ZNF99: variants seen among roughly 807,000 people sequenced by gnomAD.
ZNF99 encodes zinc finger protein 99, also known as zinc finger protein ENSP00000375192.
In ZNF99, 8 loss-of-function variants were observed where a neutral mutation model predicts 12.8. The observed-to-expected ratio is 0.62, with a 90% CI of 0.37 to 1.13. The LOEUF (loss-of-function observed/expected upper bound fraction) is 1.13, where lower values mean the gene tolerates loss of function less well. ZNF99 is among the 50% of genes most tolerant of loss of function. The probability of loss-of-function intolerance (pLI) is 0.02; values close to 1 mark genes in which losing one functional copy is unlikely to be tolerated. For missense variants in ZNF99, 1,007 were observed against 1,006.2 expected, an observed-to-expected ratio of 1.00 and a Z score of -0.01; for synonymous variants, 318 against 319.0, an observed-to-expected ratio of 1.00 and a Z score of 0.03.
At chr19:22,771,876 C>A in intron 1 of ZNF99, among the ~76,000 whole-genome samples, 1 of 139,452 alleles carries the variant, frequency 7.2e-6, no homozygotes. Context: ...TGCCACCACG[C>A]CCGGCTAATT....
At position 22,753,810 on chromosome 19, in the gene ZNF99, T is replaced by A. The variant is rs1160976650; in HGVS notation, c.*3504A>T. The A allele has an allele frequency of 4.4e-6, 1 of 229,092 alleles. No individual in the cohort carries two copies. Among genetic ancestry groups the A allele is most frequent in the African/African-American group, 2.3e-5 (1 of 43,470 alleles). 14.2% of individuals were successfully genotyped at this position (229,092 alleles called of 1,614,324 possible). On this transcript the variant is annotated 3_prime_UTR_variant, in exon 4 of 4. Transcript: ENST00000596209. The stretch of plus-strand genomic sequence containing the variant: ...TACATTTTTTTTCAAGTATAAATGC[T>A]TTCCTATGCGATAAGGTGTGAGTAT...
rs62119144 is a variant in ZNF99 at position 22,754,532 on chromosome 19, G to T, written c.*2782C>A. ...ATGAATTCTCTTATATTTAGTATGAGTTGAAGACCAGTTAAAGACTTTGTT... is the reference window on the plus strand; with the variant it reads ...ATGAATTCTCTTATATTTAGTATGATTTGAAGACCAGTTAAAGACTTTGTT... On this transcript the variant is annotated 3_prime_UTR_variant, in exon 4 of 4. Coordinates refer to ENST00000596209, the MANE Select transcript of ZNF99 (RefSeq NM_001080409.3). 0.088 allele frequency: 37,851 copies of T among 427,790 alleles called. 1,774 individuals carry two copies. The highest frequency in any genetic ancestry group is 0.12 in the Middle Eastern group (330 of 2,654). The allele number at this position is 427,790 out of a possible 1,614,324, so 26.5% of individuals were successfully genotyped here.
In ZNF99 at chr19:22,784,146, A is replaced by G. The variant is rs545084348; in HGVS notation, c.-130T>C. 589 of 1,006,260 alleles carry G rather than the reference A, an allele frequency of 5.9e-4. No individual in the cohort carries two copies. Among genetic ancestry groups the G allele is most frequent in the Non-Finnish European group, 8.2e-4 (561 of 686,198 alleles). 62.3% of individuals were successfully genotyped at this position (1,006,260 alleles called of 1,614,324 possible). A position where few individuals can be genotyped will look rare whatever the true frequency, so the allele number is the denominator to read the frequency against. Reference sequence around the variant, plus strand: ...CGGAGCTCCAGCTGGAACCAGAAACAACGGCCCCGCCACATCCCACAAGCC... The same window carrying G: ...CGGAGCTCCAGCTGGAACCAGAAACGACGGCCCCGCCACATCCCACAAGCC... On this transcript the variant is annotated 5_prime_UTR_variant, in exon 1 of 4. Coordinates refer to ENST00000596209, the MANE Select transcript of ZNF99 (RefSeq NM_001080409.3).
Position 22,759,567 on chromosome 19 carries a change from T to C in ZNF99, c.342A>G (p.Arg114=). 6.2e-7 allele frequency: 1 copy of C among 1,611,800 alleles called. No homozygotes were observed. The highest frequency in any genetic ancestry group is 8.5e-7 in the Non-Finnish European group (1 of 1,179,298). The change falls in exon 4 of 4, where the codon AGA becomes AGG. Residue 114 remains arginine (R), a synonymous_variant. Transcript: ENST00000596209. The part of the protein sequence containing the change: ...ARCGHKNLRL[R]KDCESVNEGK... The stretch of plus-strand genomic sequence containing the variant: ...CCTCATTGACACTTTCACAATCTTT[T>C]CTTAATCGTAAATTCTTATGTCCAC...
chr19:22,755,565 GTT>G lies in ZNF99; in HGVS notation c.*1747_*1748del. ...ATCTCTCCAGTATGAATTATCTTAT[GTT>G]CAGTAAGTTTTGAGAAGCAGTTAAA... On this transcript the variant is annotated 3_prime_UTR_variant, in exon 4 of 4. Transcript: ENST00000596209. 1 of 292,062 alleles carries G rather than the reference GTT, an allele frequency of 3.4e-6. No homozygotes were observed. Among genetic ancestry groups the G allele is most frequent in the Non-Finnish European group, 7.0e-6 (1 of 143,666 alleles). The allele number at this position is 292,062 out of a possible 1,614,324, so 18.1% of individuals were successfully genotyped here.
chr19:22,758,005 G>C lies in ZNF99; in HGVS notation c.1904C>G (p.Thr635Ser). Residue 635 changes from threonine (T) to serine (S), a missense_variant, in exon 4 of 4, where the codon ACC becomes AGC. Coordinates refer to ENST00000596209, the MANE Select transcript of ZNF99 (RefSeq NM_001080409.3). Reference protein sequence around the residue: ...ECGKAFSQSSTLRKHEIIHTG... With the variant: ...ECGKAFSQSSSLRKHEIIHTG... ...ATGAATTATCTCATGTTTTCTAAGG[G>C]TTGAGGACTGGCTAAAAGCTTTGCC... The C allele has an allele frequency of 6.2e-7, 1 of 1,611,062 alleles. No individual in the cohort carries two copies. The highest frequency in any genetic ancestry group is 1.1e-5 in the South Asian group (1 of 90,868).
rs747868290 is a variant in ZNF99 at position 22,756,499 on chromosome 19, G to A, written c.*815C>T. On this transcript the variant is annotated 3_prime_UTR_variant, in exon 4 of 4. Transcript: ENST00000596209. The stretch of plus-strand genomic sequence containing the variant: ...AATTATCCTATGTTTAGTAAGGCGT[G>A]AGAAATGGCTAAAAGCTTTGCCACG... 10 of 1,596,084 alleles carry A rather than the reference G, an allele frequency of 6.3e-6. No individual in the cohort carries two copies. Among genetic ancestry groups the A allele is most frequent in the South Asian group, 1.1e-5 (1 of 90,826 alleles).
At chr19:22,782,815 C>G (rs12983303) in intron 1 of ZNF99, among the ~76,000 whole-genome samples, 1 of 151,362 alleles carries the variant, frequency 6.6e-6, no homozygotes, top group Non-Finnish European at 1.5e-5. Context: ...GGATTACAGG[C>G]ATCTGCCACA....
At position 22,758,325 on chromosome 19, in the gene ZNF99, C is replaced by T. The variant is rs769254370; in HGVS notation, c.1584G>A (p.Lys528=). 2 of 1,613,234 alleles carry T rather than the reference C, an allele frequency of 1.2e-6. No individual in the cohort carries two copies. The highest frequency in any genetic ancestry group is 1.3e-5 in the African/African-American group (1 of 74,850). ...FKHFSALRKH[K]IIHTGKKPYK... ...AGGGTTTCTTTCCAGTATGAATTAT[C>T]TTATGTTTTCTAAGGGCTGAGAAAT... Residue 528 remains lysine, a synonymous_variant, in exon 4 of 4, where the codon AAG becomes AAA. Transcript: ENST00000596209.
At position 22,756,910 on chromosome 19, in the gene ZNF99, T is replaced by C. The variant is rs1973068913; in HGVS notation, c.*404A>G. ...ACAGTATGAATTACCTTATGTTCCATAAGTTTTGAGACCACTTAAAAGCTT... is the reference window on the plus strand; with the variant it reads ...ACAGTATGAATTACCTTATGTTCCACAAGTTTTGAGACCACTTAAAAGCTT... On this transcript the variant is annotated 3_prime_UTR_variant, in exon 4 of 4. Transcript: ENST00000596209. 6.2e-7 allele frequency: 1 copy of C among 1,610,570 alleles called. No individual in the cohort carries two copies. The highest frequency in any genetic ancestry group is 8.5e-7 in the Non-Finnish European group (1 of 1,178,330).
At position 22,775,199 on chromosome 19, in the gene ZNF99, G is replaced by A. The variant is rs148956323; in HGVS notation, c.4-5875C>T. On this transcript the variant is annotated intron_variant, in intron 1 of 3. Transcript: ENST00000596209. ...ACAGTAACCAAAGCCACATAATACT[G>A]GTACAAGAAACAGACTTATAGAACA... Among the ~76,000 whole-genome samples the A allele has an allele frequency of 4.4e-3, 663 of 152,150 alleles. 8 individuals carry two copies. Among genetic ancestry groups the A allele is most frequent in the African/African-American group, 0.015 (633 of 41,522 alleles).
chr19:22,759,440 A>T lies in ZNF99; in HGVS notation c.469T>A (p.Tyr157Asn). The change falls in exon 4 of 4, where the codon TAT (tyrosine) becomes AAT (asparagine). Residue 157 changes from tyrosine (Y) to asparagine (N), a missense_variant. By Grantham distance (143) the Tyr-to-Asn change is moderately radical. Coordinates refer to ENST00000596209, the MANE Select transcript of ZNF99 (RefSeq NM_001080409.3). ...CNKYVKVFHK[Y>N]SNSNRYKIRH... ...ATCTTATATCTATTTGAATTTGAAT[A>T]TTTATGAAAGACTTTCACATATTTG... The T allele has an allele frequency of 6.3e-7, 1 of 1,595,256 alleles. No homozygotes were observed. Among genetic ancestry groups the T allele is most frequent in the Non-Finnish European group, 8.5e-7 (1 of 1,171,070 alleles).
rs1294670498 is a variant in ZNF99 at position 22,753,974 on chromosome 19, GA to G, written c.*3339del. The G allele has an allele frequency of 2.2e-6, 1 of 453,218 alleles. No individual in the cohort carries two copies. Among genetic ancestry groups the G allele is most frequent in the Non-Finnish European group, 4.4e-6 (1 of 225,266 alleles). 28.1% of individuals were successfully genotyped at this position (453,218 alleles called of 1,614,324 possible). A position where few individuals can be genotyped will look rare whatever the true frequency, so the allele number is the denominator to read the frequency against. ...GACACTATGATTTCTTTTATGTTTA[GA>G]AAAGTTTAAGGTGTTCTCAAGAGCA... On this transcript the variant is annotated 3_prime_UTR_variant, in exon 4 of 4. Transcript: ENST00000596209.
At chr19:22,774,537 G>C (rs367884002) in intron 1 of ZNF99, 4 of 152,168 alleles carry the variant, frequency 2.6e-5, no homozygotes, top group African/African-American at 9.7e-5. Flanking sequence ...GTGTTTATTT[G>C]TCCTGTAATA....
rs1973099482 is a variant in ZNF99 at position 22,758,261 on chromosome 19, A to G, written c.1648T>C (p.Ser550Pro). The G allele has an allele frequency of 1.2e-6, 2 of 1,600,636 alleles. No individual in the cohort carries two copies. The highest frequency in any genetic ancestry group is 2.2e-5 in the South Asian group (2 of 90,230). The part of the protein sequence containing the change: ...EECGKAFNNS[S>P]TLMKHKIIHT... ...ATTATCTTATGTTTCATAAGGGTTG[A>G]GGAATTGTTAAAAGCTTTGCCACAT... The change falls in exon 4 of 4, where the codon TCA becomes CCA. Residue 550 changes from serine to proline, a missense_variant. By Grantham distance (74) the Ser-to-Pro change is moderately conservative. Coordinates refer to ENST00000596209, the MANE Select transcript of ZNF99 (RefSeq NM_001080409.3).
Position 22,756,666 on chromosome 19 carries a change from C to T in ZNF99, c.*648G>A, listed in dbSNP as rs55711951. ...GAATTATCTTATGTTTCATAAGGGT[C>T]GAGAAATTGTTAAAACCTTTGCCAC... On this transcript the variant is annotated 3_prime_UTR_variant, in exon 4 of 4. Transcript: ENST00000596209. The T allele has an allele frequency of 2.6e-4, 364 of 1,403,598 alleles. 2 individuals carry two copies. The highest frequency in any genetic ancestry group is 1.2e-3 in the African/African-American group (57 of 48,478). The allele number at this position is 1,403,598 out of a possible 1,614,324, so 86.9% of individuals were successfully genotyped here. A position where few individuals can be genotyped will look rare whatever the true frequency, so the allele number is the denominator to read the frequency against.
intron 1 of ZNF99, among the ~76,000 whole-genome samples, chr19:22,783,618 AT>A (rs1192639638): frequency 6.6e-6 from 1 of 152,122 alleles, no homozygotes; most frequent in Non-Finnish European, 1.5e-5. Flanking sequence ...ACTGCCATCA[AT>A]TTTTAATAGG....
Position 22,758,245 on chromosome 19 carries a change from TG to T in ZNF99, c.1663del (p.His555IlefsTer3), listed in dbSNP as rs771617259. The T allele has an allele frequency of 6.2e-7, 1 of 1,600,728 alleles. No homozygotes were observed. The highest frequency in any genetic ancestry group is 8.5e-7 in the Non-Finnish European group (1 of 1,170,122). ...AFNNSSTLMK[H>X]KIIHTGKKPY... Reference sequence around the variant, plus strand: ...TTTCTTCCCAGTATGAATTATCTTATGTTTCATAAGGGTTGAGGAATTGTTA... The same window carrying T: ...TTTCTTCCCAGTATGAATTATCTTATTTTCATAAGGGTTGAGGAATTGTTA... On this transcript the variant is annotated frameshift_variant, in exon 4 of 4. Transcript: ENST00000596209. LOFTEE classifies it low-confidence loss of function (END_TRUNC).
At chr19:22,771,902 G>A (rs936901847) in intron 1 of ZNF99, among the ~76,000 whole-genome samples, 4 of 145,142 alleles carry the variant, frequency 2.8e-5, no homozygotes, top group Non-Finnish European at 4.5e-5. Context: ...ATTTTTAGTA[G>A]AGACAGGGTT....
Sources: allele counts gnomAD v4.1 joint callset (sites outside exome capture counted in the v4.1 genomes callset), GRCh38; gene constraint gnomAD v4.1.1; transcripts MANE v1.5; gene names NCBI Gene and HGNC (gene_info 2026-07-23, HGNC 2026-07-21).